Variants in TAFA2 observed in about 807,000 individuals in gnomAD.
The protein encoded by TAFA2 is chemokine-like protein TAFA-2.
In TAFA2, 7 loss-of-function variants were observed where a neutral mutation model predicts 18.8. That is an observed-to-expected ratio of 0.37 (90% CI 0.21 to 0.70). TAFA2 has a LOEUF of 0.70. Among genes scored for constraint, TAFA2 ranks in the 30% least tolerant of loss-of-function variants. TAFA2 has a pLI of 0.53. For missense variants in TAFA2, 122 were observed against 158.1 expected (o/e 0.77, Z 1.23); for synonymous variants, 60 against 54.2 (o/e 1.11, Z -0.47).
intron 2 of TAFA2, among the ~76,000 whole-genome samples, chr12:61,785,891 A>C (rs1870717474): frequency 6.6e-6 from 1 of 151,540 alleles, no homozygotes; most frequent in African/African-American, 2.4e-5. Context: ...AATCACAAAC[A>C]CAGTATGAAA....
intron 2 of TAFA2, among the ~76,000 whole-genome samples, chr12:61,778,693 C>T (rs1273272060): frequency 2.0e-5 from 3 of 151,862 alleles, no homozygotes; most frequent in Non-Finnish European, 2.9e-5. Flanking sequence ...GAAGTTATGT[C>T]GACCTGGGTT....
At chr12:61,938,734 G>C (rs1434892342) in intron 1 of TAFA2, among the ~76,000 whole-genome samples, 1 of 152,120 alleles carries the variant, frequency 6.6e-6, no homozygotes. Context: ...CAATGAAAAA[G>C]AATGAAATAA....
chr12:61,711,676 G>A (rs911629632), intron 4 of TAFA2, among the ~76,000 whole-genome samples: 3 of 150,396 alleles, frequency 2.0e-5, no homozygotes, highest in Non-Finnish European at 4.4e-5. Flanking sequence ...GGTACAAAAG[G>A]CAAAAAAGTG....
chr12:61,900,734 T>A (rs1056564001), intron 1 of TAFA2, among the ~76,000 whole-genome samples: 1 of 152,152 alleles, frequency 6.6e-6, no homozygotes, highest in Admixed American at 6.5e-5. Context: ...CAATTCAAGA[T>A]GAGATTTGGG....
intron 2 of TAFA2, among the ~76,000 whole-genome samples, chr12:61,808,151 T>C (rs1871705353): frequency 6.6e-6 from 1 of 151,578 alleles, no homozygotes; most frequent in Non-Finnish European, 1.5e-5. Flanking sequence ...AGGGACCCAG[T>C]GAAAGGTAAT....
At chr12:62,151,792 A>G (rs547456173) in intron 1 of TAFA2, among the ~76,000 whole-genome samples, 1 of 152,348 alleles carries the variant, frequency 6.6e-6, no homozygotes, top group South Asian at 2.1e-4. Flanking sequence ...GCCATACATT[A>G]GAATAGACTC....
At chr12:61,964,342 C>T (rs901757061) in intron 1 of TAFA2, among the ~76,000 whole-genome samples, 3 of 151,772 alleles carry the variant, frequency 2.0e-5, no homozygotes, top group African/African-American at 7.3e-5. Flanking sequence ...TCCTAATATC[C>T]TAATTTAGAC....
chr12:61,890,240 C>T (rs760518669), intron 1 of TAFA2: 1 of 152,234 alleles, frequency 6.6e-6, no homozygotes, highest in Non-Finnish European at 1.5e-5. Context: ...CTGTGTGACC[C>T]CACCGTGTTT....
chr12:62,138,354 T>A (rs1274481492), intron 1 of TAFA2, among the ~76,000 whole-genome samples: 1 of 152,204 alleles, frequency 6.6e-6, no homozygotes, highest in Admixed American at 6.5e-5. Flanking sequence ...TACCCTTCTT[T>A]ATTTTTTCCA....
At chr12:61,784,181 C>T (rs1870627881) in intron 2 of TAFA2, among the ~76,000 whole-genome samples, 1 of 151,492 alleles carries the variant, frequency 6.6e-6, no homozygotes, top group African/African-American at 2.4e-5. Flanking sequence ...AATAAGACCC[C>T]TCTTTACAAA....
At chr12:62,174,399 G>A (rs907311421) in intron 1 of TAFA2, among the ~76,000 whole-genome samples, 6 of 152,098 alleles carry the variant, frequency 3.9e-5, no homozygotes, top group African/African-American at 1.4e-4. Context: ...TTCAAGGAAA[G>A]GCTGAGGAAG....
intron 2 of TAFA2, among the ~76,000 whole-genome samples, chr12:61,800,816 CTAAGGAGGACCT>C (rs1018596073): frequency 6.6e-6 from 1 of 152,018 alleles, no homozygotes; most frequent in African/African-American, 2.4e-5. Context: ...TTTCAGAAAG[CTAAGGAGGACCT>C]TTATGGAGAA....
At chr12:61,877,805 G>C (rs1874921317) in intron 1 of TAFA2, among the ~76,000 whole-genome samples, 2 of 151,974 alleles carry the variant, frequency 1.3e-5, no homozygotes, top group African/African-American at 4.8e-5. Flanking sequence ...ATGGACATGA[G>C]AGTACTCTGT....
chr12:62,200,085 C>A (rs2062664905), intron 1 of TAFA2, among the ~76,000 whole-genome samples: 1 of 151,996 alleles, frequency 6.6e-6, no homozygotes, highest in African/African-American at 2.4e-5. Context: ...AGTCCTTTGC[C>A]CACTTTTTAA....
intron 2 of TAFA2, among the ~76,000 whole-genome samples, chr12:61,821,052 C>A (rs1872300018): frequency 6.6e-6 from 1 of 151,478 alleles, no homozygotes; most frequent in African/African-American, 2.4e-5. Context: ...ATTAGGCATT[C>A]ATTCAATAAT....
intron 1 of TAFA2, among the ~76,000 whole-genome samples, chr12:62,156,251 C>T (rs1314276562): frequency 1.3e-5 from 2 of 152,156 alleles, no homozygotes; most frequent in East Asian, 3.9e-4. Flanking sequence ...TGCGATACCA[C>T]CTTACTCCTG....
At chr12:62,037,188 T>C (rs1881632440) in intron 1 of TAFA2, among the ~76,000 whole-genome samples, 1 of 152,222 alleles carries the variant, frequency 6.6e-6, no homozygotes, top group African/African-American at 2.4e-5. Flanking sequence ...CTTTTTCTCT[T>C]ACTTGTTCCT....
intron 1 of TAFA2, among the ~76,000 whole-genome samples, chr12:62,169,706 C>G (rs564659178): frequency 6.6e-6 from 1 of 151,920 alleles, no homozygotes. Context: ...AAAAAATTAG[C>G]CTGGCATAGT....
intron 4 of TAFA2, among the ~76,000 whole-genome samples, chr12:61,715,264 A>G (rs1453567373): frequency 1.3e-5 from 2 of 152,208 alleles, no homozygotes; most frequent in Non-Finnish European, 2.9e-5. Context: ...TAATAATAAA[A>G]GTCACATATT....
Sources: gnomAD v4.1 joint callset for allele counts (sites outside exome capture counted in the v4.1 genomes callset) on GRCh38, gnomAD v4.1.1 for gene constraint, MANE v1.5 for transcripts, NCBI Gene and HGNC (gene_info 2026-07-23, HGNC 2026-07-21) for gene names.